The following DCAKD variants were observed in gnomAD, a reference collection of about 807,000 sequenced individuals.
DCAKD encodes dephospho-CoA kinase domain-containing protein.
DCAKD carries 15 observed loss-of-function variants against 18.7 expected under a neutral mutation model. The observed-to-expected ratio is 0.80, with a 90% CI of 0.54 to 1.24. The LOEUF is 1.24. DCAKD is among the 50% of genes most tolerant of loss of function. DCAKD has a pLI of 0.00. For synonymous variants in DCAKD, 130 were observed against 133.0 expected, an observed-to-expected ratio of 0.98 and a Z score of 0.16; for missense variants, 301 against 322.0, an observed-to-expected ratio of 0.93 and a Z score of 0.50.
intron 3 of DCAKD, chr17:45,032,226 G>T: frequency 1.6e-6 from 1 of 626,376 alleles, no homozygotes; most frequent in Non-Finnish European, 2.0e-6. Context: ...GCAGCACAAA[G>T]AGTCCAGAGG....
intron 1 of DCAKD, among the ~76,000 whole-genome samples, chr17:45,042,529 G>A (rs1371195028): frequency 6.6e-6 from 1 of 152,206 alleles, no homozygotes; most frequent in African/African-American, 2.4e-5. Context: ...TGACTAGCCA[G>A]ACAGAACTGC....
At position 45,043,170 on chromosome 17, in the gene DCAKD, C is replaced by T. The variant is rs766404343; in HGVS notation, c.-114-8171G>A. On this transcript the variant is annotated intron_variant, in intron 1 of 4. Transcript: ENST00000651974. ...TTCCTTGAGTATAAAATAGGATTTG[C>T]GCTTGAACCTGGGAGGCAGAGGTTG... Among the ~76,000 whole-genome samples, 6 of 151,758 alleles carry T rather than the reference C, an allele frequency of 4.0e-5. No homozygotes were observed. In the East Asian group the frequency reaches 7.8e-4, roughly 20 times the overall value.
chr17:45,054,235 A>T, upstream of DCAKD: 2 of 468,636 alleles, frequency 4.3e-6, no homozygotes, highest in Admixed American at 2.3e-5. Context: ...ACTCACTGCC[A>T]CTCAAGACAG....
chr17:45,040,287 T>C (rs902609599), intron 1 of DCAKD, among the ~76,000 whole-genome samples: 2 of 150,216 alleles, frequency 1.3e-5, no homozygotes, highest in Non-Finnish European at 2.9e-5. Flanking sequence ...CTCGGGAGAC[T>C]GAGGCAGGAG....
rs979400519 is a variant in DCAKD, at chr17:45,051,360, CCTTAGTGCTG to C, written c.-124_-115del. ...TGGGCCGTGGATATAAAAGCACTTG[CCTTAGTGCTG>C]GCCGCATACGACGCGCTCAATACAT... is the stretch of plus-strand genomic sequence containing the variant. On this transcript the variant is annotated splice_region_variant and 5_prime_UTR_variant, in exon 1 of 5. Transcript: ENST00000651974. 1 of 152,206 alleles carries C rather than the reference CCTTAGTGCTG, an allele frequency of 6.6e-6. No homozygotes were observed. Among genetic ancestry groups the C allele is most frequent in the Non-Finnish European group, 1.5e-5 (1 of 68,060 alleles). 9.4% of individuals were successfully genotyped at this position (152,206 alleles called of 1,614,324 possible).
At chr17:45,038,692 G>A (rs564911031) in intron 1 of DCAKD, among the ~76,000 whole-genome samples, 1 of 152,266 alleles carries the variant, frequency 6.6e-6, no homozygotes, top group South Asian at 2.1e-4. Context: ...CCAGCCTCCC[G>A]GGTTACCTAA....
In DCAKD at chr17:45,038,062, C is replaced by G. The variant is rs527347521; in HGVS notation, c.-114-3063G>C. On this transcript the variant is annotated intron_variant, in intron 1 of 4. Transcript: ENST00000651974. ...GGGATTACAGGCGTGAGCCACCATG[C>G]CTGGCCTTTTTTTCTTTTCTTTTCT... 2.6e-5 allele frequency among the ~76,000 whole-genome samples: 4 copies of G among 151,136 alleles called. No individual in the cohort carries two copies. In the East Asian group the frequency reaches 7.7e-4, roughly 29 times the overall value.
At chr17:45,038,227 C>A (rs911135649) in intron 1 of DCAKD, among the ~76,000 whole-genome samples, 2 of 152,072 alleles carry the variant, frequency 1.3e-5, no homozygotes, top group African/African-American at 4.8e-5. Flanking sequence ...CAGGTATGCA[C>A]CACCATGCCT....
intron 1 of DCAKD, among the ~76,000 whole-genome samples, chr17:45,047,970 T>C (rs1164996423): frequency 6.6e-6 from 1 of 152,180 alleles, no homozygotes; most frequent in Non-Finnish European, 1.5e-5. Flanking sequence ...ATTTTATAAT[T>C]GTGACAACTC....
chr17:45,048,182 A>G (rs2143361799), intron 1 of DCAKD, among the ~76,000 whole-genome samples: 1 of 151,694 alleles, frequency 6.6e-6, no homozygotes, highest in African/African-American at 2.4e-5. Context: ...TGAGGCCAGG[A>G]GTTCAAGACC....
intron 3 of DCAKD, chr17:45,031,242 G>T: frequency 1.0e-6 from 1 of 985,262 alleles, no homozygotes; most frequent in South Asian, 4.7e-5. Flanking sequence ...CGGTGGGGGG[G>T]TGGCAATCTC....
At chr17:45,050,537 T>G (rs2053670311) in intron 1 of DCAKD, among the ~76,000 whole-genome samples, 1 of 152,076 alleles carries the variant, frequency 6.6e-6, no homozygotes, top group African/African-American at 2.4e-5. Context: ...AGGGCCCTGC[T>G]GAGACAAAAA....
intron 4 of DCAKD, chr17:45,026,569 C>G: frequency 3.1e-6 from 3 of 972,622 alleles, no homozygotes; most frequent in African/African-American, 1.8e-5. Flanking sequence ...TGCTGTGTTG[C>G]CTACACTGGT....
In DCAKD at chr17:45,029,794, CTGAG is replaced by C. The variant is rs2053136922; in HGVS notation, c.404+294_404+297del. On this transcript the variant is annotated intron_variant, in intron 4 of 4. Coordinates refer to ENST00000651974, the MANE Select transcript of DCAKD (RefSeq NM_001288655.2). ...GTGCTACAGGAGGAAGAAGGAGCCA[CTGAG>C]TAACAGTGGCCCAGGGCGAGGCCAG... 5.9e-5 allele frequency among the ~76,000 whole-genome samples: 9 copies of C among 152,276 alleles called. No homozygotes were observed. The South Asian group carries it at 1.9e-3, about 32-fold the overall frequency.
intron 4 of DCAKD, chr17:45,026,909 G>T: frequency 1.2e-6 from 1 of 809,844 alleles, no homozygotes; most frequent in Non-Finnish European, 1.5e-6. Context: ...AGACCACAGA[G>T]CCTCCTGGAT....
At chr17:45,058,032 A>G (rs1440193712) in intron 1 of DCAKD, among the ~76,000 whole-genome samples, 1 of 141,938 alleles carries the variant, frequency 7.0e-6, no homozygotes, top group Non-Finnish European at 1.5e-5. Flanking sequence ...AAAAAAAAAA[A>G]GCCTGGGCGT....
At chr17:45,053,596 T>G (rs1463033042), upstream of DCAKD, among the ~76,000 whole-genome samples, 1 of 152,184 alleles carries the variant, frequency 6.6e-6, no homozygotes, top group African/African-American at 2.4e-5. Context: ...TAATTTTGTA[T>G]TTTTAGTAGA....
At chr17:45,053,851 C>CCTGAGTCCCTGAAAGCTTTCTTCCT (rs2053752865), upstream of DCAKD, among the ~76,000 whole-genome samples, 1 of 152,202 alleles carries the variant, frequency 6.6e-6, no homozygotes, top group African/African-American at 2.4e-5. Context: ...GCATGAGCCA[C>CCTGAGTCCCTGAAAGCTTTCTTCCT]GGTGCCTCAC....
chr17:45,048,938 T>C (rs1469874242), intron 1 of DCAKD, among the ~76,000 whole-genome samples: 1 of 151,864 alleles, frequency 6.6e-6, no homozygotes, highest in African/African-American at 2.4e-5. Flanking sequence ...AAAAATTGGC[T>C]GAGCATGGTG....
Sources: gnomAD v4.1 joint callset for allele counts (sites outside exome capture counted in the v4.1 genomes callset) on GRCh38, gnomAD v4.1.1 for gene constraint, MANE v1.5 for transcripts, NCBI Gene and HGNC (gene_info 2026-07-23, HGNC 2026-07-21) for gene names.